Variants in PAPPA observed in about 807,000 individuals in gnomAD.
PAPPA encodes the protein pappalysin 1, also known as pappalysin-1.
PAPPA carries 60 observed loss-of-function variants against 164.0 expected under a neutral mutation model. The ratio of observed to expected loss-of-function variants is 0.37; its 90% CI spans 0.30 to 0.45. The LOEUF (loss-of-function observed/expected upper bound fraction) is 0.45, where lower values mean the gene tolerates loss of function less well. Ranked by LOEUF, PAPPA falls within the 20% of genes least tolerant of loss-of-function variation. PAPPA has a pLI of 1.00. For missense variants in PAPPA, 1,782 were observed against 2,087.3 expected, an observed-to-expected ratio of 0.85 and a Z score of 2.85; for synonymous variants, 875 against 814.1, an observed-to-expected ratio of 1.07 and a Z score of -1.27.
intron 17 of PAPPA, among the ~76,000 whole-genome samples, chr9:116,355,075 C>T (rs1327019310): frequency 3.9e-5 from 6 of 152,218 alleles, no homozygotes; most frequent in Admixed American, 1.3e-4. Flanking sequence ...TGCCGGGCTC[C>T]GTGCCCCTCC....
chr9:116,393,260 G>A (rs1846918143), intron 21 of PAPPA, among the ~76,000 whole-genome samples: 1 of 152,174 alleles, frequency 6.6e-6, no homozygotes, highest in Non-Finnish European at 1.5e-5. Context: ...TTCTCAGACT[G>A]AGAAGGATTT....
At chr9:116,274,313 C>T (rs1164060289) in intron 9 of PAPPA, among the ~76,000 whole-genome samples, 1 of 152,200 alleles carries the variant, frequency 6.6e-6, no homozygotes, top group Non-Finnish European at 1.5e-5. Flanking sequence ...TCATTATAGA[C>T]ACTCACAGAG....
chr9:116,321,231 G>T (rs1310396360), intron 10 of PAPPA, among the ~76,000 whole-genome samples: 1 of 152,060 alleles, frequency 6.6e-6, no homozygotes, highest in Non-Finnish European at 1.5e-5. Flanking sequence ...GTTTCACCGT[G>T]TTAGCCAAGA....
intron 18 of PAPPA, among the ~76,000 whole-genome samples, chr9:116,366,262 G>C (rs1846499261): frequency 6.6e-6 from 1 of 152,114 alleles, no homozygotes; most frequent in African/African-American, 2.4e-5. Flanking sequence ...CAGGATGTGT[G>C]AGGTCAGGGT....
intron 1 of PAPPA, among the ~76,000 whole-genome samples, chr9:116,166,806 A>C (rs1843724275): frequency 6.6e-6 from 1 of 152,174 alleles, no homozygotes; most frequent in Admixed American, 6.5e-5. Context: ...ATCTCTCTTC[A>C]TCCTCAAGGC....
chr9:116,355,027 C>T (rs959700966), intron 17 of PAPPA, among the ~76,000 whole-genome samples: 2 of 152,142 alleles, frequency 1.3e-5, no homozygotes, highest in Non-Finnish European at 2.9e-5. Context: ...GCCCAGGCAC[C>T]CTTTCCTGCA....
chr9:116,297,209 T>C (rs1262447236), intron 9 of PAPPA, among the ~76,000 whole-genome samples: 1 of 152,174 alleles, frequency 6.6e-6, no homozygotes, highest in Non-Finnish European at 1.5e-5. Context: ...CATGGTAAGA[T>C]TTGTATGTCA....
chr9:116,184,527 C>A (rs1433263401), intron 1 of PAPPA, among the ~76,000 whole-genome samples: 1 of 152,170 alleles, frequency 6.6e-6, no homozygotes, highest in Non-Finnish European at 1.5e-5. Context: ...AGCATCTTAA[C>A]AATGAACTCT....
At chr9:116,309,690 A>G (rs528787837) in intron 10 of PAPPA, among the ~76,000 whole-genome samples, 3 of 152,178 alleles carry the variant, frequency 2.0e-5, no homozygotes, top group African/African-American at 7.2e-5. Flanking sequence ...GGTATATCCA[A>G]AAAAAGGTAA....
intron 19 of PAPPA, among the ~76,000 whole-genome samples, chr9:116,371,659 T>G (rs976192206): frequency 5.3e-5 from 8 of 152,056 alleles, no homozygotes; most frequent in Non-Finnish European, 1.0e-4. Context: ...CCCAGGCTGG[T>G]TTTGAACTCC....
At chr9:116,177,516 G>A (rs1843851428) in intron 1 of PAPPA, among the ~76,000 whole-genome samples, 1 of 152,150 alleles carries the variant, frequency 6.6e-6, no homozygotes, top group African/African-American at 2.4e-5. Flanking sequence ...GGTGTGAAAG[G>A]GGATGATTAA....
rs1485119183 is a variant in PAPPA, at chr9:116,400,458, G to A, written c.*3842G>A. ...GTTTGGTGGCAATCAGTGGTAGTAG[G>A]GAGTGGGAGGGCTTATATTGGTTTT... On this transcript the variant is annotated 3_prime_UTR_variant, in exon 22 of 22. Transcript: ENST00000328252. 1 of 152,102 alleles carries A rather than the reference G, an allele frequency of 6.6e-6. No individual in the cohort carries two copies. Among genetic ancestry groups the A allele is most frequent in the African/African-American group, 2.4e-5 (1 of 41,406 alleles). 9.4% of individuals were successfully genotyped at this position (152,102 alleles called of 1,614,324 possible). A position where few individuals can be genotyped will look rare whatever the true frequency, so the allele number is the denominator to read the frequency against.
intron 9 of PAPPA, among the ~76,000 whole-genome samples, chr9:116,290,691 CCTTT>C (rs1228677377): frequency 6.6e-6 from 1 of 151,616 alleles, no homozygotes; most frequent in Admixed American, 6.6e-5. Context: ...TTTCTTCCTT[CCTTT>C]CTCTCTCTCT....
intron 5 of PAPPA, among the ~76,000 whole-genome samples, chr9:116,224,583 A>G (rs1215717434): frequency 6.6e-5 from 10 of 152,234 alleles, no homozygotes; most frequent in Admixed American, 6.5e-4. Flanking sequence ...ATTATATACA[A>G]TGGATGCCTT....
intron 19 of PAPPA, among the ~76,000 whole-genome samples, chr9:116,368,449 G>T (rs1294424198): frequency 6.6e-6 from 1 of 152,194 alleles, no homozygotes; most frequent in East Asian, 1.9e-4. Flanking sequence ...ACCTGAGTCT[G>T]AGCCCTGTGT....
chr9:116,272,049 C>T (rs1446847285), intron 9 of PAPPA, among the ~76,000 whole-genome samples: 13 of 152,184 alleles, frequency 8.5e-5, no homozygotes, highest in Admixed American at 4.6e-4. Context: ...CCACCTTCAC[C>T]GAGTCATTTG....
chr9:116,249,800 A>T (rs906774263), intron 7 of PAPPA, among the ~76,000 whole-genome samples: 3 of 152,132 alleles, frequency 2.0e-5, no homozygotes, highest in South Asian at 4.1e-4. Context: ...GCAGCTATAG[A>T]GGCATATTTG....
At chr9:116,365,566 T>TTCCTCTCTTTTC (rs1554755536) in intron 18 of PAPPA, among the ~76,000 whole-genome samples, 1 of 137,894 alleles carries the variant, frequency 7.3e-6, no homozygotes, top group Non-Finnish European at 1.6e-5. Context: ...TTTTTTTTTT[T>TTCCTCTCTTTTC]CCTCTCTTGG....
In PAPPA at chr9:116,187,661, T is replaced by C; in HGVS notation, c.923T>C (p.Val308Ala). 6.2e-7 allele frequency: 1 copy of C among 1,614,188 alleles called. No homozygotes were observed. The highest frequency in any genetic ancestry group is 8.5e-7 in the Non-Finnish European group (1 of 1,180,020). ...SPMKDGSSPK[V>A]EFSNAHGFLL... ...ATGAAGGATGGCAGCAGCCCCAAAG[T>C]GGAATTCAGCAATGCCCACGGCTTT... Residue 308 changes from valine (V) to alanine (A), a missense_variant, in exon 2 of 22, where the codon GTG becomes GCG. By Grantham distance (64) the Val-to-Ala change is moderately conservative. Around this residue, in one of 2 missense-constraint regions of PAPPA, gnomAD observed 458 missense variants for 430.3 expected, o/e 1.06. Transcript: ENST00000328252. The surrounding 1 kb of genome is among the most constrained non-coding windows in gnomAD (Gnocchi z 4.2).
Sources: allele counts gnomAD v4.1 joint callset (sites outside exome capture counted in the v4.1 genomes callset), GRCh38; gene constraint gnomAD v4.1.1; regional missense constraint gnomAD v4.1.1; non-coding constraint Gnocchi (gnomAD v3.1); transcripts MANE v1.5; gene names NCBI Gene and HGNC (gene_info 2026-07-23, HGNC 2026-07-21).